Variants in RNF150 observed in about 807,000 individuals in gnomAD.
RNF150 encodes ring finger protein 150.
RNF150 carries 24 observed loss-of-function variants against 39.3 expected under a neutral mutation model. The ratio of observed to expected loss-of-function variants is 0.61; its 90% CI spans 0.44 to 0.86. RNF150 has a LOEUF of 0.86. Among genes scored for constraint, RNF150 ranks in the 40% least tolerant of loss-of-function variants. The probability of loss-of-function intolerance (pLI) is 0.00; values close to 1 mark genes in which losing one functional copy is unlikely to be tolerated. For missense variants in RNF150, 502 were observed against 587.8 expected (o/e 0.85, Z 1.51); for synonymous variants, 255 against 227.3 (o/e 1.12, Z -1.10).
chr4:141,027,593 G>T (rs951203552), intron 1 of RNF150, among the ~76,000 whole-genome samples: 5 of 152,006 alleles, frequency 3.3e-5, no homozygotes, highest in Non-Finnish European at 5.9e-5. Context: ...ACTAAATCCT[G>T]GTCAGACGAG....
chr4:141,043,309 T>C (rs1190785368), intron 1 of RNF150, among the ~76,000 whole-genome samples: 1 of 152,012 alleles, frequency 6.6e-6, no homozygotes, highest in East Asian at 1.9e-4. Context: ...CCTCTGAATC[T>C]CCGATAAAAG....
intron 1 of RNF150, among the ~76,000 whole-genome samples, chr4:140,972,565 T>C (rs563541893): frequency 7.2e-5 from 11 of 152,300 alleles, no homozygotes; most frequent in South Asian, 4.1e-4. Context: ...TAGCTAGGCA[T>C]AGGCTGTCCA....
At chr4:141,081,713 G>A (rs1460877809) in intron 1 of RNF150, among the ~76,000 whole-genome samples, 2 of 152,220 alleles carry the variant, frequency 1.3e-5, no homozygotes, top group Non-Finnish European at 1.5e-5. Flanking sequence ...AAGTACGCGT[G>A]TGTGTACCTA....
chr4:141,050,713 C>T (rs764611023), intron 1 of RNF150, among the ~76,000 whole-genome samples: 32 of 152,328 alleles, frequency 2.1e-4, no homozygotes, highest in Admixed American at 1.2e-3. Context: ...TGGGCAGCTC[C>T]GCCCCTGTGG....
intron 1 of RNF150, among the ~76,000 whole-genome samples, chr4:141,200,668 G>T (rs1223424595): frequency 6.6e-6 from 1 of 151,970 alleles, no homozygotes; most frequent in African/African-American, 2.4e-5. Context: ...GTGTGTGTTG[G>T]GAGAAAACAC....
At chr4:141,041,384 A>G (rs1736366501) in intron 1 of RNF150, among the ~76,000 whole-genome samples, 1 of 152,154 alleles carries the variant, frequency 6.6e-6, no homozygotes, top group African/African-American at 2.4e-5. Flanking sequence ...CAAAAGGGGA[A>G]GAGAATGCCA....
At chr4:141,037,143 A>C (rs932848081) in intron 1 of RNF150, among the ~76,000 whole-genome samples, 16 of 152,206 alleles carry the variant, frequency 1.1e-4, no homozygotes, top group African/African-American at 3.9e-4. Flanking sequence ...TATTTATTCT[A>C]AAGGACACAG....
At chr4:140,903,031 C>A (rs1730243908) in intron 6 of RNF150, among the ~76,000 whole-genome samples, 1 of 152,154 alleles carries the variant, frequency 6.6e-6, no homozygotes, top group Admixed American at 6.5e-5. Flanking sequence ...AGACCTTGAA[C>A]CTTTCTAGTG....
At chr4:141,142,645 A>G (rs1308412551) in intron 1 of RNF150, among the ~76,000 whole-genome samples, 5 of 152,150 alleles carry the variant, frequency 3.3e-5, no homozygotes, top group Non-Finnish European at 7.3e-5. Flanking sequence ...TTCAATGGGA[A>G]CACTTCTTTC....
chr4:141,040,212 C>T (rs1396211724), intron 1 of RNF150, among the ~76,000 whole-genome samples: 1 of 151,962 alleles, frequency 6.6e-6, no homozygotes, highest in Admixed American at 6.6e-5. Flanking sequence ...CAGGTAAAAC[C>T]AGTAAGGTTT....
chr4:141,100,867 G>C (rs539245348), intron 1 of RNF150, among the ~76,000 whole-genome samples: 2 of 152,302 alleles, frequency 1.3e-5, no homozygotes, highest in South Asian at 4.1e-4. Flanking sequence ...GTGGGCAACT[G>C]TAACACAATG....
chr4:141,212,087 A>T (rs1225430531), intron 1 of RNF150, among the ~76,000 whole-genome samples: 1 of 152,190 alleles, frequency 6.6e-6, no homozygotes, highest in Non-Finnish European at 1.5e-5. Flanking sequence ...CTACCAAGAC[A>T]ATATCTCACT....
chr4:140,882,246 G>A (rs933351540), intron 6 of RNF150, among the ~76,000 whole-genome samples: 24 of 152,116 alleles, frequency 1.6e-4, no homozygotes, highest in African/African-American at 5.5e-4. Context: ...GTCTCGATCT[G>A]CTGACCTCGT....
At chr4:140,911,034 A>C in intron 6 of RNF150, 110 bp downstream of exon 6, 3 of 842,516 alleles carry the variant, frequency 3.6e-6, no homozygotes, top group Non-Finnish European at 5.8e-6. Flanking sequence ...GAACCTAGCA[A>C]TGATGTACTC....
At chr4:141,002,804 G>A (rs1734714108) in intron 1 of RNF150, among the ~76,000 whole-genome samples, 1 of 152,132 alleles carries the variant, frequency 6.6e-6, no homozygotes, top group Admixed American at 6.5e-5. Flanking sequence ...AACCTGGGTA[G>A]CGCACATTCC....
intron 1 of RNF150, among the ~76,000 whole-genome samples, chr4:141,176,976 G>A (rs1727823791): frequency 6.6e-6 from 1 of 150,576 alleles, no homozygotes; most frequent in African/African-American, 2.4e-5. Flanking sequence ...AGCATTTTGG[G>A]AGGCCAAGGC....
rs193275944 is a variant in RNF150, at chr4:141,057,326, T to C, written c.484+74999A>G. Among the ~76,000 whole-genome samples the C allele has an allele frequency of 3.3e-5, 5 of 152,070 alleles. No homozygotes were observed. In the East Asian group the frequency reaches 9.6e-4, roughly 29 times the overall value. On this transcript the variant is annotated intron_variant, in intron 1 of 6. Coordinates refer to ENST00000515673, the MANE Select transcript of RNF150 (RefSeq NM_020724.2). The stretch of plus-strand genomic sequence containing the variant: ...AATTATGTGCATAATTTTATTATTA[T>C]ATATAATTGTAAAACAATTTAAAAT...
At chr4:141,111,081 C>T (rs766359681) in intron 1 of RNF150, among the ~76,000 whole-genome samples, 3 of 152,074 alleles carry the variant, frequency 2.0e-5, no homozygotes, top group Non-Finnish European at 2.9e-5. Context: ...TTACACAGCC[C>T]TCACAGCTGA....
At chr4:141,155,789 G>C (rs1421912741) in intron 1 of RNF150, among the ~76,000 whole-genome samples, 1 of 152,178 alleles carries the variant, frequency 6.6e-6, no homozygotes, top group East Asian at 1.9e-4. Context: ...CACCAGCCAG[G>C]AATGCTGGTC....
Sources: allele counts gnomAD v4.1 joint callset (sites outside exome capture counted in the v4.1 genomes callset), GRCh38; gene constraint gnomAD v4.1.1; transcripts MANE v1.5; gene names NCBI Gene and HGNC (gene_info 2026-07-23, HGNC 2026-07-21).